The following TAP2 variants were observed in gnomAD, a reference collection of about 807,000 sequenced individuals.
The protein encoded by TAP2 is transporter 2, ATP binding cassette subfamily B member, also known as antigen peptide transporter 2.
A neutral mutation model predicts 74.7 loss-of-function variants in TAP2; 49 were observed. The ratio of observed to expected loss-of-function variants is 0.66; its 90% CI spans 0.52 to 0.83. The LOEUF (loss-of-function observed/expected upper bound fraction) is 0.83, where lower values mean the gene tolerates loss of function less well. TAP2 is among the 40% of genes least tolerant of loss of function. TAP2 has a pLI of 0.00. For synonymous variants in TAP2, 306 were observed against 368.4 expected, an observed-to-expected ratio of 0.83 and a Z score of 1.94; for missense variants, 739 against 859.0, an observed-to-expected ratio of 0.86 and a Z score of 1.75.
chr6:32,830,891 C>T (rs2127356184), intron 7 of TAP2, 85 bp from the exon 8 acceptor site: 1 of 1,124,688 alleles, frequency 8.9e-7, no homozygotes, highest in Non-Finnish European at 1.3e-6. Flanking sequence ...ACTCCACTCA[C>T]AACTGCACTG....
At position 32,831,741 on chromosome 6, in the gene TAP2, T is replaced by C. The variant is rs569885038; in HGVS notation, c.1272+592A>G. ...ACTTTTAGACAGATACATGGATTGA[T>C]GGGTGGATGGATGGATAGATGGATG... On this transcript the variant is annotated intron_variant, in intron 7 of 11. Transcript: ENST00000374897. Among the ~76,000 whole-genome samples, 34 of 152,218 alleles carry C rather than the reference T, an allele frequency of 2.2e-4. 1 individual carries two copies. The East Asian group carries it at 6.4e-3, about 29-fold the overall frequency.
At position 32,826,269 on chromosome 6, in the gene TAP2, C is replaced by G; in HGVS notation, c.*2637G>C. On this transcript the variant is annotated 3_prime_UTR_variant, in exon 12 of 12. Coordinates refer to ENST00000374897, the MANE Select transcript of TAP2 (RefSeq NM_001290043.2). ...ACTCAATGCTGTTTCCACATAGGGCCGGGCAGACAGGCTATGGAGGTGTTT... is the reference window on the plus strand; with the variant it reads ...ACTCAATGCTGTTTCCACATAGGGCGGGGCAGACAGGCTATGGAGGTGTTT... 1 of 985,410 alleles carries G rather than the reference C, an allele frequency of 1.0e-6. No homozygotes were observed. Among genetic ancestry groups the G allele is most frequent in the Non-Finnish European group, 1.2e-6 (1 of 829,942 alleles). The allele number at this position is 985,410 out of a possible 1,614,324, so 61.0% of individuals were successfully genotyped here. A position where few individuals can be genotyped will look rare whatever the true frequency, so the allele number is the denominator to read the frequency against.
At position 32,826,867 on chromosome 6, in the gene TAP2, A is replaced by G; in HGVS notation, c.*2039T>C. ...GATCATCTTCTTCTGTGAGGGCTGC[A>G]GCTTCCATGTAGTTGGGAGATACAG... On this transcript the variant is annotated 3_prime_UTR_variant, in exon 12 of 12. Coordinates refer to ENST00000374897, the MANE Select transcript of TAP2 (RefSeq NM_001290043.2). The G allele has an allele frequency of 1.0e-6, 1 of 985,460 alleles. No homozygotes were observed. Among genetic ancestry groups the G allele is most frequent in the Non-Finnish European group, 1.2e-6 (1 of 829,934 alleles). 61.0% of individuals were successfully genotyped at this position (985,460 alleles called of 1,614,324 possible). A position where few individuals can be genotyped will look rare whatever the true frequency, so the allele number is the denominator to read the frequency against.
intron 11 of TAP2, 105 bp downstream of exon 11, chr6:32,829,295 C>T (rs241445): frequency 0.27 from 404,236 of 1,513,050 alleles, 56,620 homozygotes; most frequent in South Asian, 0.39. Context: ...AGACTGTTTC[C>T]ACTAGTAGGT....
intron 5 of TAP2, among the ~76,000 whole-genome samples, chr6:32,833,079 C>T (rs994737698): frequency 6.6e-6 from 1 of 152,100 alleles, no homozygotes; most frequent in Non-Finnish European, 1.5e-5. Flanking sequence ...ATTTTCCCAT[C>T]CCCAGTGTCT....
Position 32,830,023 on chromosome 6 carries a change from G to A in TAP2, c.1702C>T (p.Leu568=), listed in dbSNP as rs774670540. 4 of 1,613,010 alleles carry A rather than the reference G, an allele frequency of 2.5e-6. No individual in the cohort carries two copies. Among genetic ancestry groups the A allele is most frequent in the Non-Finnish European group, 3.4e-6 (4 of 1,180,038 alleles). The change falls in exon 10 of 12, where the codon CTG becomes TTG. Residue 568 remains leucine (L), a synonymous_variant. Transcript: ENST00000374897. ...ACCTTATCATCTTCGCAGCTCTGCA[G>A]CCCATAAGCAATGTTGTTCCTCACA... ...GSVRNNIAYG[L]QSCEDDKVMA...
At chr6:32,833,701 T>C (rs1048972661) in intron 5 of TAP2, among the ~76,000 whole-genome samples, 2 of 152,166 alleles carry the variant, frequency 1.3e-5, no homozygotes, top group Non-Finnish European at 2.9e-5. Context: ...GAATTTAAAA[T>C]GGTGCTGCCG....
At chr6:32,833,649 T>G (rs1769232634) in intron 5 of TAP2, among the ~76,000 whole-genome samples, 1 of 152,116 alleles carries the variant, frequency 6.6e-6, no homozygotes, top group Admixed American at 6.5e-5. Flanking sequence ...GTGGTGTTGA[T>G]GAGGATGTGG....
chr6:32,837,125 A>G lies in TAP2; in HGVS notation c.608+412T>C, dbSNP rs1398734697. 2.6e-5 allele frequency among the ~76,000 whole-genome samples: 4 copies of G among 152,326 alleles called. No homozygotes were observed. In the East Asian group the frequency reaches 7.7e-4, roughly 29 times the overall value. On this transcript the variant is annotated intron_variant, in intron 3 of 11. Coordinates refer to ENST00000374897, the MANE Select transcript of TAP2 (RefSeq NM_001290043.2). ...GACTGGCAAGATGAGCTGGGAAAGA[A>G]GAGTGAAAGGGAGAAGCATACCCAT...
chr6:32,829,171 T>C, intron 11 of TAP2, 137 bp from the exon 12 acceptor site: 1 of 1,485,482 alleles, frequency 6.7e-7, no homozygotes, highest in Non-Finnish European at 9.0e-7. Context: ...GATAAAGGCC[T>C]GGACTGCCCT....
downstream of TAP2, among the ~76,000 whole-genome samples, chr6:32,824,788 C>T (rs1298959734): frequency 6.6e-6 from 1 of 151,610 alleles, no homozygotes; most frequent in East Asian, 1.9e-4. Flanking sequence ...TCCTTTCAAA[C>T]AAGACAAAGA....
intron 10 of TAP2, 65 bp downstream of exon 10, chr6:32,829,865 A>G: frequency 6.2e-7 from 1 of 1,604,782 alleles, no homozygotes; most frequent in Non-Finnish European, 8.5e-7. Flanking sequence ...GACCTTCACC[A>G]CTAAGAGTAA....
At chr6:32,830,506 T>G (rs9380326) in intron 8 of TAP2, 66 bp from the exon 9 acceptor site, 34 of 1,591,340 alleles carry the variant, frequency 2.1e-5, no homozygotes, top group Non-Finnish European at 2.5e-5. Flanking sequence ...ATTTCTCTTC[T>G]TAGCAGAGGC....
At chr6:32,831,012 C>T (rs241434) in intron 7 of TAP2, among the ~76,000 whole-genome samples, 37,157 of 152,046 alleles carry the variant, frequency 0.24, 4,671 homozygotes, top group Admixed American at 0.31. Flanking sequence ...AAAGGATATA[C>T]AGTCCCTTCT....
In TAP2 at chr6:32,830,295, T is replaced by C; in HGVS notation, c.1607A>G (p.Gln536Arg). The change falls in exon 9 of 12, where the codon CAG (glutamine) becomes CGG (arginine). Residue 536 changes from glutamine to arginine, a missense_variant. Gln to Arg is a conservative substitution (Grantham distance 43). Transcript: ENST00000374897. ...GCTGTGCAGGTAGCAGTGTTCATAC[T>C]GTGAGATGGGCTTTTCATCCAGCAG... is the stretch of plus-strand genomic sequence containing the variant. ...QVLLDEKPIS[Q>R]YEHCYLHSQV... The C allele has an allele frequency of 6.2e-7, 1 of 1,613,112 alleles. No homozygotes were observed. The highest frequency in any genetic ancestry group is 8.5e-7 in the Non-Finnish European group (1 of 1,180,020).
chr6:32,825,126 T>TTTTATATATATATATATATATATA (rs1554230833), downstream of TAP2, among the ~76,000 whole-genome samples: 3 of 140,788 alleles, frequency 2.1e-5, no homozygotes, highest in Admixed American at 7.3e-5. Context: ...TGTCTGTTGG[T>TTTTATATATATATATATATATATA]TATATACATA....
chr6:32,830,733 C>T lies in TAP2; in HGVS notation c.1346G>A (p.Arg449Gln), dbSNP rs746574637. The T allele has an allele frequency of 2.2e-5, 35 of 1,612,852 alleles. No individual in the cohort carries two copies. Among genetic ancestry groups the T allele is most frequent in the Admixed American group, 3.3e-5 (2 of 59,998 alleles). ...AAEKVFSYMD[R>Q]QPNLPSPGTL... is the part of the protein sequence containing the mutation. ...GCCAGGTGAAGGCAGATTTGGCTGTCGGTCCATGTAGGAGAAAACCTTCTC... is the reference window on the plus strand; with the variant it reads ...GCCAGGTGAAGGCAGATTTGGCTGTTGGTCCATGTAGGAGAAAACCTTCTC... Residue 449 changes from arginine to glutamine, a missense_variant, in exon 8 of 12, where the codon CGA becomes CAA. Coordinates refer to ENST00000374897, the MANE Select transcript of TAP2 (RefSeq NM_001290043.2).
chr6:32,838,550 C>T (rs1769602821), intron 1 of TAP2, 103 bp downstream of exon 1: 1 of 344,826 alleles, frequency 2.9e-6, no homozygotes, highest in Admixed American at 4.4e-5. Flanking sequence ...CCGCTCCCTC[C>T]TATCGCCGGG....
rs769237313 is a variant in TAP2 at position 32,837,585 on chromosome 6, T to A, written c.560A>T (p.His187Leu). 8 of 1,613,938 alleles carry A rather than the reference T, an allele frequency of 5.0e-6. No homozygotes were observed. The highest frequency in any genetic ancestry group is 5.9e-6 in the Non-Finnish European group (7 of 1,180,006). The change falls in exon 3 of 12, where the codon CAT (histidine) becomes CTT (leucine). Residue 187 changes from histidine to leucine, a missense_variant. By Grantham distance (99) the His-to-Leu change is moderately conservative. Transcript: ENST00000374897. Reference protein sequence around the residue: ...IDILGGDFDPHAFASAIFFMC... With the variant: ...IDILGGDFDPLAFASAIFFMC... ...GAAGAAGATGGCACTGGCAAAGGCA[T>A]GGGGGTCAAAATCACCTCCCAGGAT...
Sources: allele counts gnomAD v4.1 joint callset (sites outside exome capture counted in the v4.1 genomes callset), GRCh38; gene constraint gnomAD v4.1.1; transcripts MANE v1.5; gene names NCBI Gene and HGNC (gene_info 2026-07-23, HGNC 2026-07-21).